Variants in STT3B observed in about 807,000 individuals in gnomAD.
STT3B encodes STT3 oligosaccharyltransferase complex catalytic subunit B.
Under a neutral mutation model 96.8 loss-of-function variants are expected in STT3B, and 29 were observed. The ratio of observed to expected loss-of-function variants is 0.30; its 90% CI spans 0.22 to 0.41. The LOEUF (loss-of-function observed/expected upper bound fraction) is 0.41, where lower values mean the gene tolerates loss of function less well. Ranked by LOEUF, STT3B falls within the 10% of genes least tolerant of loss-of-function variation. The pLI is 1.00. For synonymous variants in STT3B, 367 were observed against 360.0 expected (o/e 1.02, Z -0.22); for missense variants, 640 against 1,022.3 (o/e 0.63, Z 5.10).
At chr3:31,593,602 G>A (rs1406942851) in intron 3 of STT3B, among the ~76,000 whole-genome samples, 1 of 151,968 alleles carries the variant, frequency 6.6e-6, no homozygotes, top group Non-Finnish European at 1.5e-5. Flanking sequence ...GATACTTCCT[G>A]TTGACCTATC....
At chr3:31,585,071 C>A (rs1271168945) in intron 3 of STT3B, among the ~76,000 whole-genome samples, 2 of 152,086 alleles carry the variant, frequency 1.3e-5, no homozygotes, top group African/African-American at 4.8e-5. Flanking sequence ...TTTAAACCAA[C>A]TCTTTTAAAA....
At chr3:31,585,431 G>T (rs942259677) in intron 3 of STT3B, among the ~76,000 whole-genome samples, 2 of 152,058 alleles carry the variant, frequency 1.3e-5, no homozygotes, top group African/African-American at 4.8e-5. Flanking sequence ...AATATTGTGA[G>T]AACATAGTAA....
intron 4 of STT3B, among the ~76,000 whole-genome samples, chr3:31,598,713 T>C (rs73824201): frequency 0.054 from 8,204 of 152,228 alleles, 751 homozygotes; most frequent in African/African-American, 0.19. Context: ...AGGTAGCATA[T>C]TGATATTATG....
intron 1 of STT3B, among the ~76,000 whole-genome samples, chr3:31,536,072 GT>G (rs952628338): frequency 9.9e-5 from 15 of 150,922 alleles, no homozygotes; most frequent in African/African-American, 3.4e-4. Context: ...CCTTGTTCTT[GT>G]TTTTTTTTCA....
rs569983625 is a variant in STT3B at position 31,602,914 on chromosome 3, T to C, written c.877+2455T>C. 1.1e-4 allele frequency among the ~76,000 whole-genome samples: 16 copies of C among 152,198 alleles called. No individual in the cohort carries two copies. The South Asian group carries it at 3.3e-3, about 32-fold the overall frequency. ...GGTTTACTTCTAAATGGATGGAAAG[T>C]AGTATGATAGAGCAAGTGTTGCTCT... On this transcript the variant is annotated intron_variant, in intron 5 of 15. Coordinates refer to ENST00000295770, the MANE Select transcript of STT3B (RefSeq NM_178862.3).
At chr3:31,535,339 T>A (rs80100772) in intron 1 of STT3B, among the ~76,000 whole-genome samples, 35,048 of 150,298 alleles carry the variant, frequency 0.23, 4,333 homozygotes, top group African/African-American at 0.31. Flanking sequence ...TTTTATTATT[T>A]TTTTTTTTTT....
At chr3:31,568,529 C>T (rs1418539108) in intron 1 of STT3B, among the ~76,000 whole-genome samples, 1 of 152,098 alleles carries the variant, frequency 6.6e-6, no homozygotes, top group Non-Finnish European at 1.5e-5. Context: ...TTGTTACTGC[C>T]TGTCTTTTGA....
intron 1 of STT3B, among the ~76,000 whole-genome samples, chr3:31,572,572 A>C (rs1698183487): frequency 6.6e-6 from 1 of 152,208 alleles, no homozygotes; most frequent in African/African-American, 2.4e-5. Context: ...ATTTTTAAAA[A>C]TATTCTTGGC....
intron 1 of STT3B, among the ~76,000 whole-genome samples, chr3:31,553,736 G>GA (rs368919777): frequency 9.2e-5 from 14 of 151,748 alleles, no homozygotes; most frequent in Non-Finnish European, 1.8e-4. Flanking sequence ...TTTTAAAAAT[G>GA]AAAAAAAATG....
At chr3:31,619,535 C>G in intron 8 of STT3B, 141 bp from the exon 9 acceptor site, 1 of 667,382 alleles carries the variant, frequency 1.5e-6, no homozygotes, top group Non-Finnish European at 2.5e-6. Context: ...TCCAGTATAA[C>G]TGGTTACCTT....
intron 1 of STT3B, among the ~76,000 whole-genome samples, chr3:31,562,951 C>G (rs1196877591): frequency 6.6e-6 from 1 of 152,162 alleles, no homozygotes; most frequent in Non-Finnish European, 1.5e-5. Context: ...GTCTTGGGAC[C>G]TGAGAGGGTC....
chr3:31,637,076 CTT>C lies in STT3B; in HGVS notation c.*1014_*1015del, dbSNP rs1392138671. ...TCCCTTAAGCATTTGATGAAACACT[CTT>C]TAGTGCTATATGCATTTTCTTACTT... On this transcript the variant is annotated 3_prime_UTR_variant, in exon 16 of 16. Coordinates refer to ENST00000295770, the MANE Select transcript of STT3B (RefSeq NM_178862.3). The C allele has an allele frequency of 6.6e-6, 1 of 152,118 alleles. No individual in the cohort carries two copies. The highest frequency in any genetic ancestry group is 1.5e-5 in the Non-Finnish European group (1 of 68,012). 9.4% of individuals were successfully genotyped at this position (152,118 alleles called of 1,614,324 possible).
At chr3:31,590,431 A>G (rs1698641093) in intron 3 of STT3B, among the ~76,000 whole-genome samples, 1 of 151,992 alleles carries the variant, frequency 6.6e-6, no homozygotes, top group African/African-American at 2.4e-5. Context: ...TTATACTAGA[A>G]TATACTGTAT....
intron 1 of STT3B, among the ~76,000 whole-genome samples, chr3:31,569,425 C>A (rs138917789): frequency 6.6e-6 from 1 of 152,064 alleles, no homozygotes; most frequent in African/African-American, 2.4e-5. Flanking sequence ...CTCTTTTTCC[C>A]TAAATGCCCC....
At chr3:31,533,333 C>G (rs761653646) in intron 1 of STT3B, 21 bp downstream of exon 1, 1 of 1,500,112 alleles carries the variant, frequency 6.7e-7, no homozygotes. Context: ...CGCCGCCCCT[C>G]CCCCGCCCGT....
chr3:31,622,129 G>T lies in STT3B; in HGVS notation c.1360G>T (p.Ala454Ser), dbSNP rs1340516253. 6.2e-7 allele frequency: 1 copy of T among 1,614,070 alleles called. No homozygotes were observed. Among genetic ancestry groups the T allele is most frequent in the Admixed American group, 1.7e-5 (1 of 60,024 alleles). The change falls in exon 10 of 16, where the codon GCT (alanine) becomes TCT (serine). Residue 454 changes from alanine to serine, a missense_variant. This residue lies in a region of STT3B where 2 missense variants were observed against 22.2 expected (regional missense o/e 0.09). Transcript: ENST00000295770. Reference protein sequence around the residue: ...ALYAISAVYFAGVMVRLMLTL... With the variant: ...ALYAISAVYFSGVMVRLMLTL... ...ATATGCAATCAGTGCTGTCTACTTTGCTGGAGTGATGGTGCGACTGATGTT... is the reference window on the plus strand; with the variant it reads ...ATATGCAATCAGTGCTGTCTACTTTTCTGGAGTGATGGTGCGACTGATGTT...
intron 5 of STT3B, among the ~76,000 whole-genome samples, chr3:31,611,444 G>C (rs372262511): frequency 1.4e-4 from 22 of 152,268 alleles, no homozygotes; most frequent in East Asian, 1.2e-3. Context: ...TATATTAGAT[G>C]CTGTAGTACA....
chr3:31,571,065 A>G (rs1698124668), intron 1 of STT3B, among the ~76,000 whole-genome samples: 1 of 152,184 alleles, frequency 6.6e-6, no homozygotes, highest in South Asian at 2.1e-4. Context: ...AAGAGGGTTT[A>G]GAGAAACCTA....
In STT3B at chr3:31,632,984, T is replaced by C. The variant is rs201715710; in HGVS notation, c.2237T>C (p.Ile746Thr). 5.6e-6 allele frequency: 9 copies of C among 1,614,094 alleles called. No homozygotes were observed. Among genetic ancestry groups the C allele is most frequent in the Non-Finnish European group, 7.6e-6 (9 of 1,179,984 alleles). Residue 746 changes from isoleucine to threonine, a missense_variant, in exon 15 of 16, where the codon ATT becomes ACT. Transcript: ENST00000295770. ...TTTGACCGAACACGTAATGCTGAGA[T>C]TGGAAATAAGGACATTAAATTCAAA... ...PGFDRTRNAE[I>T]GNKDIKFKHL...
Sources: gnomAD v4.1 joint callset for allele counts (sites outside exome capture counted in the v4.1 genomes callset) on GRCh38, gnomAD v4.1.1 for gene constraint, gnomAD v4.1.1 regional missense constraint, MANE v1.5 for transcripts, NCBI Gene and HGNC (gene_info 2026-07-23, HGNC 2026-07-21) for gene names.